POF1B: variants seen among roughly 807,000 people sequenced by gnomAD.
POF1B encodes the protein protein POF1B.
Under a neutral mutation model 55.3 loss-of-function variants are expected in POF1B, and 53 were observed. The observed-to-expected ratio is 0.96, with a 90% CI of 0.77 to 1.20. POF1B has a LOEUF of 1.20. Ranked by LOEUF, POF1B falls within the 50% of genes most tolerant of loss-of-function variation. POF1B has a pLI of 0.00. For synonymous variants in POF1B, 188 were observed against 148.3 expected, an observed-to-expected ratio of 1.27 and a Z score of -1.95; for missense variants, 478 against 420.5, an observed-to-expected ratio of 1.14 and a Z score of -1.20.
intron 5 of POF1B, 72 bp downstream of exon 5, chrX:85,351,278 A>T (rs1933381102): frequency 2.9e-6 from 2 of 688,867 alleles, no homozygotes; most frequent in South Asian, 5.7e-5. Flanking sequence ...GTTGAATGTC[A>T]CTTGAGCTCT....
At position 85,379,232 on chromosome X, in the gene POF1B, G is replaced by A; in HGVS notation, c.223C>T (p.Leu75Phe). The A allele has an allele frequency of 8.3e-7, 1 of 1,210,885 alleles. No homozygotes were observed. Among genetic ancestry groups the A allele is most frequent in the Non-Finnish European group, 1.1e-6 (1 of 895,168 alleles). ...ALDPFNSREVLSPLKTTSSYQ... is the reference protein window; with the variant it reads ...ALDPFNSREVFSPLKTTSSYQ... Reference sequence around the variant, plus strand: ...GAGGAGGTGGTTTTGAGAGGGGAGAGCACTTCCCGTGAGTTGAAGGGGTCC... The same window carrying A: ...GAGGAGGTGGTTTTGAGAGGGGAGAACACTTCCCGTGAGTTGAAGGGGTCC... The change falls in exon 2 of 17, where the codon CTC becomes TTC. Residue 75 changes from leucine to phenylalanine, a missense_variant. Leu to Phe is a conservative substitution (Grantham distance 22). Coordinates refer to ENST00000262753, the MANE Select transcript of POF1B (RefSeq NM_024921.4).
rs756451310 is a variant in POF1B, at chrX:85,278,558, A to G, written c.*863T>C. On this transcript the variant is annotated 3_prime_UTR_variant, in exon 17 of 17. Transcript: ENST00000262753. ...CCCAAGTAGGATAAATCTATCAAGTATTTGTTGCTGCTATTTTTATTCCCT... is the reference window on the plus strand; with the variant it reads ...CCCAAGTAGGATAAATCTATCAAGTGTTTGTTGCTGCTATTTTTATTCCCT... 23 of 111,562 alleles carry G rather than the reference A, an allele frequency of 2.1e-4. No homozygotes were observed. Among genetic ancestry groups the G allele is most frequent in the Admixed American group, 4.8e-4 (5 of 10,448 alleles). 9.2% of individuals were successfully genotyped at this position (111,562 alleles called of 1,213,427 possible).
chrX:85,329,329 A>G (rs993932452), intron 7 of POF1B, among the ~76,000 whole-genome samples: 5 of 111,638 alleles, frequency 4.5e-5, no homozygotes, highest in Non-Finnish European at 7.5e-5. Flanking sequence ...TTGTTTGTGT[A>G]ATGGGTAATG....
chrX:85,368,263 A>G (rs1214583693), intron 2 of POF1B, among the ~76,000 whole-genome samples: 1 of 111,206 alleles, frequency 9.0e-6, no homozygotes, highest in East Asian at 2.8e-4. Flanking sequence ...CTCATTAAAT[A>G]ATTTCTCATA....
intron 5 of POF1B, among the ~76,000 whole-genome samples, chrX:85,349,353 TG>T (rs1035340727): frequency 9.0e-6 from 1 of 111,290 alleles, no homozygotes; most frequent in African/African-American, 3.3e-5. Flanking sequence ...GATTTGCATA[TG>T]AAAAAAATGA....
Position 85,279,321 on chromosome X carries a change from G to A in POF1B, c.*100C>T. 1 of 856,571 alleles carries A rather than the reference G, an allele frequency of 1.2e-6. No homozygotes were observed. Among genetic ancestry groups the A allele is most frequent in the Non-Finnish European group, 1.7e-6 (1 of 601,723 alleles). The allele number at this position is 856,571 out of a possible 1,213,427, so 70.6% of individuals were successfully genotyped here. A position where few individuals can be genotyped will look rare whatever the true frequency, so the allele number is the denominator to read the frequency against. On this transcript the variant is annotated 3_prime_UTR_variant, in exon 17 of 17. Coordinates refer to ENST00000262753, the MANE Select transcript of POF1B (RefSeq NM_024921.4). ...GGGTAGCAGCATGGTTCCAAATTCT[G>A]ATTGGCCTTTAGTGATGGAAAAATA...
intron 9 of POF1B, among the ~76,000 whole-genome samples, chrX:85,308,673 T>C (rs187493206): frequency 1.8e-5 from 2 of 111,467 alleles, no homozygotes; most frequent in Non-Finnish European, 3.8e-5. Context: ...ATTTTTGGTT[T>C]TTTTTGTTTT....
chrX:85,312,184 A>T (rs945665630), intron 9 of POF1B, among the ~76,000 whole-genome samples: 1 of 111,657 alleles, frequency 9.0e-6, no homozygotes, highest in African/African-American at 3.3e-5. Flanking sequence ...GTTTAATTAG[A>T]TCCCATTTGT....
intron 4 of POF1B, among the ~76,000 whole-genome samples, chrX:85,351,900 T>C (rs1037027152): frequency 9.5e-6 from 1 of 105,272 alleles, no homozygotes; most frequent in East Asian, 2.9e-4. Flanking sequence ...GGTAGAACTA[T>C]ATTAAAGATT....
chrX:85,311,692 G>C (rs900966668), intron 9 of POF1B, among the ~76,000 whole-genome samples: 2 of 111,881 alleles, frequency 1.8e-5, no homozygotes, highest in Non-Finnish European at 3.8e-5. Context: ...TATAATCTTT[G>C]GGTATATACC....
chrX:85,376,099 G>C (rs185280896), intron 2 of POF1B, among the ~76,000 whole-genome samples: 123 of 111,358 alleles, frequency 1.1e-3, no homozygotes, highest in Non-Finnish European at 2.0e-3. Flanking sequence ...CTAAAAAATA[G>C]GCACTTAATA....
chrX:85,317,053 T>C (rs930851393), intron 7 of POF1B, among the ~76,000 whole-genome samples: 10 of 110,554 alleles, frequency 9.0e-5, no homozygotes, highest in African/African-American at 3.3e-4. Flanking sequence ...AAGAACATGA[T>C]CTCATTCTTT....
chrX:85,351,578 G>A, intron 4 of POF1B, 127 bp from the exon 5 acceptor site: 2 of 450,825 alleles, frequency 4.4e-6, no homozygotes, highest in South Asian at 7.0e-5. Context: ...AGAGAGGAAT[G>A]ACATCCCAAT....
At chrX:85,316,254 G>T (rs977401476) in intron 7 of POF1B, among the ~76,000 whole-genome samples, 1 of 111,714 alleles carries the variant, frequency 9.0e-6, no homozygotes, top group Non-Finnish European at 1.9e-5. Context: ...ATTTGGTAAT[G>T]ACTGGCTTGA....
At chrX:85,325,901 G>A (rs1932891797) in intron 7 of POF1B, among the ~76,000 whole-genome samples, 1 of 111,260 alleles carries the variant, frequency 9.0e-6, no homozygotes, top group African/African-American at 3.3e-5. Flanking sequence ...GTAGTATAAG[G>A]TGAGTACAGT....
chrX:85,377,756 T>A (rs1009607172), intron 2 of POF1B, among the ~76,000 whole-genome samples: 13 of 111,890 alleles, frequency 1.2e-4, no homozygotes, highest in Non-Finnish European at 2.4e-4. Flanking sequence ...TCCTGAGTTA[T>A]TGAAAGGGGA....
intron 16 of POF1B, among the ~76,000 whole-genome samples, chrX:85,280,738 G>T (rs2147886477): frequency 9.0e-6 from 1 of 111,075 alleles, no homozygotes; most frequent in African/African-American, 3.3e-5. Flanking sequence ...ACATTTCTCT[G>T]TTCATTTCAC....
chrX:85,294,686 T>C (rs1212243275), intron 15 of POF1B, among the ~76,000 whole-genome samples: 1 of 111,520 alleles, frequency 9.0e-6, no homozygotes. Flanking sequence ...TCTTTTTTCA[T>C]TGTGTCTATG....
At chrX:85,374,970 A>G (rs1404806914) in intron 2 of POF1B, among the ~76,000 whole-genome samples, 1 of 112,042 alleles carries the variant, frequency 8.9e-6, no homozygotes, top group Non-Finnish European at 1.9e-5. Context: ...TCATACAAAG[A>G]AAGCAACCGA....
Sources: gnomAD v4.1 joint callset for allele counts (sites outside exome capture counted in the v4.1 genomes callset) on GRCh38, gnomAD v4.1.1 for gene constraint, MANE v1.5 for transcripts, NCBI Gene and HGNC (gene_info 2026-07-23, HGNC 2026-07-21) for gene names.